SP140: variants seen among roughly 807,000 people sequenced by gnomAD.
SP140 encodes the protein SP140 nuclear body protein.
In SP140, 81 loss-of-function variants were observed where a neutral mutation model predicts 125.0. The ratio of observed to expected loss-of-function variants is 0.65; its 90% CI spans 0.54 to 0.78. The LOEUF is 0.78. SP140 is among the 30% of genes least tolerant of loss of function. SP140 has a pLI of 0.00. For synonymous variants in SP140, 312 were observed against 354.0 expected (o/e 0.88, Z 1.33); for missense variants, 858 against 1,037.0 (o/e 0.83, Z 2.37).
chr2:230,232,474 T>C (rs2047401313), intron 1 of SP140, among the ~76,000 whole-genome samples: 1 of 152,238 alleles, frequency 6.6e-6, no homozygotes, highest in Non-Finnish European at 1.5e-5. Flanking sequence ...AGGGTTGTTG[T>C]TGTTGTTGTG....
rs1402790529 is a variant in SP140 at position 230,211,064 on chromosome 2, G to T, written c.-322-2590G>T. On this transcript the variant is annotated intron_variant, in intron 1 of 4. Coordinates refer to the SP140 transcript ENST00000456542. This position sits in a 1 kb window ranked among gnomAD's most constrained non-coding sequence, Gnocchi z 4.2. ...CTACTTTATTGAAGTGGCCTCAGAA[G>T]AGTGGCTCTGTCAAACAGTCCAGCC... is the stretch of plus-strand genomic sequence containing the variant. Among the ~76,000 whole-genome samples, 2 of 152,214 alleles carry T rather than the reference G, an allele frequency of 1.3e-5. No individual in the cohort carries two copies. Among genetic ancestry groups the T allele is most frequent in the East Asian group, 1.9e-4 (1 of 5,192 alleles).
intron 15 of SP140, among the ~76,000 whole-genome samples, chr2:230,275,216 A>G (rs1450661581): frequency 1.3e-5 from 2 of 152,128 alleles, no homozygotes; most frequent in African/African-American, 4.8e-5. Context: ...TCTTTGTGGT[A>G]TAGGCACATC....
At chr2:230,314,182 C>T (rs2059464268), downstream of SP140, among the ~76,000 whole-genome samples, 1 of 152,148 alleles carries the variant, frequency 6.6e-6, no homozygotes, top group African/African-American at 2.4e-5. Flanking sequence ...ACTTTGACTC[C>T]AGATGCCCCC....
At chr2:230,212,669 C>T in intron 1 of SP140, 1 of 1,505,492 alleles carries the variant, frequency 6.6e-7, no homozygotes, top group Non-Finnish European at 9.2e-7. Context: ...AGAACTAGGA[C>T]AATAAAAGTC....
chr2:230,224,228 G>A (rs2046055842), upstream of SP140, among the ~76,000 whole-genome samples: 1 of 152,204 alleles, frequency 6.6e-6, no homozygotes, highest in South Asian at 2.1e-4. Context: ...AGCAAAAGAA[G>A]CTGGCACATT....
intron 3 of SP140, chr2:230,238,953 T>C: frequency 6.5e-7 from 1 of 1,532,228 alleles, no homozygotes; most frequent in African/African-American, 1.4e-5. Context: ...GGAGGCAGGG[T>C]GTGAGAGCTG....
At chr2:230,250,602 A>G (rs992610346) in intron 9 of SP140, among the ~76,000 whole-genome samples, 1 of 152,190 alleles carries the variant, frequency 6.6e-6, no homozygotes, top group Non-Finnish European at 1.5e-5. Flanking sequence ...AATAAAAAGC[A>G]GAGTCAGGGG....
intron 1 of SP140, among the ~76,000 whole-genome samples, chr2:230,234,568 T>C (rs2047706203): frequency 1.3e-5 from 2 of 152,180 alleles, no homozygotes; most frequent in African/African-American, 4.8e-5. Flanking sequence ...GGGTATACAC[T>C]TTTTTTAGTA....
At chr2:230,244,760 G>A (rs143938986) in intron 5 of SP140, among the ~76,000 whole-genome samples, 42 of 152,284 alleles carry the variant, frequency 2.8e-4, no homozygotes, top group African/African-American at 8.9e-4. Context: ...GCTTCATGGC[G>A]TAGAAGCAAG....
chr2:230,240,838 C>A (rs2048622423), intron 3 of SP140, among the ~76,000 whole-genome samples: 1 of 152,036 alleles, frequency 6.6e-6, no homozygotes, highest in Non-Finnish European at 1.5e-5. Context: ...TATGTTCATG[C>A]AAAGATTTGT....
intron 9 of SP140, among the ~76,000 whole-genome samples, chr2:230,249,659 T>C (rs1041593893): frequency 6.6e-6 from 1 of 151,722 alleles, no homozygotes; most frequent in Non-Finnish European, 1.5e-5. Context: ...GCAAATACAA[T>C]AACAACAGCA....
rs267599253 is a variant in SP140 at position 230,245,907 on chromosome 2, G to A, written c.709G>A (p.Glu237Lys). 5.6e-6 allele frequency: 9 copies of A among 1,606,646 alleles called. No individual in the cohort carries two copies. Among genetic ancestry groups the A allele is most frequent in the Non-Finnish European group, 7.7e-6 (9 of 1,173,382 alleles). The change falls in exon 7 of 27, where the codon GAA becomes AAA. Residue 237 changes from glutamate to lysine, a missense_variant. Physicochemically the swap from Glu to Lys is moderately conservative, Grantham distance 56 (BLOSUM62 1). This residue lies in a region of SP140 where 791 missense variants were observed against 869.5 expected (regional missense o/e 0.91). Transcript: ENST00000392045. ...AIQIDEGESE[E>K]MPKLLPYDTE... ...ACAAATAGATGAAGGAGAATCAGAA[G>A]AAATGCCCAAGTTACTGCCTTATGA...
At chr2:230,249,025 T>A (rs1221609469) in intron 9 of SP140, 57 bp downstream of exon 9, 1 of 1,446,004 alleles carries the variant, frequency 6.9e-7, no homozygotes, top group Non-Finnish European at 9.7e-7. Context: ...CTAGTTGGCA[T>A]GGAAAAAAAG....
intron 18 of SP140, 57 bp downstream of exon 18, chr2:230,288,023 G>C (rs556727155): frequency 2.9e-6 from 4 of 1,399,010 alleles, no homozygotes; most frequent in Non-Finnish European, 3.9e-6. Context: ...TTCCTGTGCG[G>C]TACACTGTAC....
At chr2:230,290,047 G>A (rs372162215) in intron 18 of SP140, among the ~76,000 whole-genome samples, 22 of 152,094 alleles carry the variant, frequency 1.4e-4, no homozygotes, top group African/African-American at 2.7e-4. Context: ...TGCTTGCCCC[G>A]TCAGTGCTCA....
intron 1 of SP140, among the ~76,000 whole-genome samples, chr2:230,212,587 C>A (rs1461971384): frequency 6.6e-6 from 1 of 152,168 alleles, no homozygotes; most frequent in Non-Finnish European, 1.5e-5. Flanking sequence ...GACTCTAGGT[C>A]TTACCCACCC....
At chr2:230,192,684 T>C in the SP140 span, among the ~76,000 whole-genome samples, 1 of 152,132 alleles carries the variant, frequency 6.6e-6, no homozygotes, top group Non-Finnish European at 1.5e-5. Context: ...AGAATCAATA[T>C]CTTGGAAATG....
chr2:230,303,960 T>A (rs865871691), intron 22 of SP140, among the ~76,000 whole-genome samples: 1 of 152,154 alleles, frequency 6.6e-6, no homozygotes, highest in South Asian at 2.1e-4. Context: ...AAAGAGGAAG[T>A]CAAACTGTTG....
chr2:230,248,537 G>C (rs1411825731), intron 8 of SP140, among the ~76,000 whole-genome samples: 1 of 152,110 alleles, frequency 6.6e-6, no homozygotes, highest in Non-Finnish European at 1.5e-5. Flanking sequence ...CCTGCCCTTT[G>C]GAATAGGAGA....
Sources: allele counts gnomAD v4.1 joint callset (sites outside exome capture counted in the v4.1 genomes callset), GRCh38; gene constraint gnomAD v4.1.1; regional missense constraint gnomAD v4.1.1; non-coding constraint Gnocchi (gnomAD v3.1); transcripts MANE v1.5; gene names NCBI Gene and HGNC (gene_info 2026-07-23, HGNC 2026-07-21).